KCNK2: variants seen among roughly 807,000 people sequenced by gnomAD.
KCNK2 encodes potassium two pore domain channel subfamily K member 2.
KCNK2 carries 21 observed loss-of-function variants against 40.5 expected under a neutral mutation model. The observed-to-expected ratio is 0.52, with a 90% confidence interval of 0.37 to 0.75. KCNK2 has a LOEUF of 0.75. Ranked by LOEUF, KCNK2 falls within the 30% of genes least tolerant of loss-of-function variation. KCNK2 has a pLI of 0.00. For missense variants in KCNK2, 399 were observed against 531.6 expected (o/e 0.75, Z 2.45); for synonymous variants, 191 against 202.2 (o/e 0.94, Z 0.47).
chr1:215,134,579 G>A (rs2102593332), intron 3 of KCNK2, among the ~76,000 whole-genome samples: 1 of 152,260 alleles, frequency 6.6e-6, no homozygotes, highest in East Asian at 1.9e-4. Flanking sequence ...AAGTGTGGTT[G>A]ATTATCAGTC....
At chr1:215,110,474 T>A (rs1410507578) in intron 2 of KCNK2, among the ~76,000 whole-genome samples, 9 of 151,866 alleles carry the variant, frequency 5.9e-5, no homozygotes, top group African/African-American at 1.9e-4. Context: ...AAGACTATCC[T>A]TTCCTCATTA....
intron 6 of KCNK2, among the ~76,000 whole-genome samples, chr1:215,210,012 ATATATAATATATAT>A (rs1400446775): frequency 0.065 from 3,209 of 49,622 alleles, 245 homozygotes; most frequent in African/African-American, 0.22. Context: ...ATTATATATA[ATATATAATATATAT>A]TATATATAAT....
chr1:215,107,782 G>T (rs1660499450), intron 2 of KCNK2, among the ~76,000 whole-genome samples: 2 of 151,928 alleles, frequency 1.3e-5, no homozygotes. Context: ...GTATCCGTGG[G>T]TTCGGCATCC....
At chr1:215,110,370 C>T (rs1660627792) in intron 2 of KCNK2, among the ~76,000 whole-genome samples, 2 of 151,840 alleles carry the variant, frequency 1.3e-5, no homozygotes, top group Admixed American at 1.3e-4. Flanking sequence ...TCTTTAACCC[C>T]TCTTGAGTTG....
At chr1:215,177,965 G>A (rs11120517) in intron 5 of KCNK2, among the ~76,000 whole-genome samples, 84,187 of 151,278 alleles carry the variant, frequency 0.56, 25,701 homozygotes, top group Non-Finnish European at 0.68. Flanking sequence ...GATTGCTTTG[G>A]ACAGTATGGT....
At chr1:215,032,329 G>C (rs1384728269) in intron 1 of KCNK2, among the ~76,000 whole-genome samples, 1 of 152,000 alleles carries the variant, frequency 6.6e-6, no homozygotes, top group Non-Finnish European at 1.5e-5. Context: ...GAATCGCTGG[G>C]CTCAGTAGTT....
At chr1:215,188,215 G>T (rs902286073) in intron 5 of KCNK2, among the ~76,000 whole-genome samples, 5 of 152,142 alleles carry the variant, frequency 3.3e-5, no homozygotes, top group Non-Finnish European at 1.5e-5. Context: ...TACCAGGTCA[G>T]TCAGGCTTCC....
chr1:215,023,821 G>C (rs1412787102), intron 1 of KCNK2, among the ~76,000 whole-genome samples: 1 of 152,180 alleles, frequency 6.6e-6, no homozygotes, highest in Admixed American at 6.5e-5. Context: ...TTTAGATGCA[G>C]CTTTTATCTG....
intron 1 of KCNK2, among the ~76,000 whole-genome samples, chr1:215,050,422 G>A (rs1450102696): frequency 6.6e-6 from 1 of 152,128 alleles, no homozygotes; most frequent in African/African-American, 2.4e-5. Flanking sequence ...TCTGCTGGGA[G>A]ACTTCTCTGT....
At chr1:215,118,288 A>G (rs953044695) in intron 2 of KCNK2, among the ~76,000 whole-genome samples, 2 of 152,160 alleles carry the variant, frequency 1.3e-5, no homozygotes, top group African/African-American at 4.8e-5. Flanking sequence ...ATACTCACAC[A>G]TGACTGTGTA....
intron 1 of KCNK2, among the ~76,000 whole-genome samples, chr1:215,059,439 T>G (rs1558072834): frequency 6.6e-6 from 1 of 152,136 alleles, no homozygotes; most frequent in South Asian, 2.1e-4. Flanking sequence ...TTTGGTAAGT[T>G]AGTAATGAGT....
intron 1 of KCNK2, among the ~76,000 whole-genome samples, chr1:215,051,224 C>T (rs1657973882): frequency 6.6e-6 from 1 of 152,072 alleles, no homozygotes; most frequent in African/African-American, 2.4e-5. Flanking sequence ...TACAGATGTG[C>T]ACCACCATGC....
At chr1:215,024,304 C>A (rs1656922031) in intron 1 of KCNK2, among the ~76,000 whole-genome samples, 3 of 152,146 alleles carry the variant, frequency 2.0e-5, no homozygotes, top group African/African-American at 7.2e-5. Flanking sequence ...TGGAGCCAAG[C>A]CTAGGACCCT....
Position 215,068,049 on chromosome 1 carries a change from CT to C in KCNK2, c.35-18305del, listed in dbSNP as rs397782084. 9.6e-3 allele frequency among the ~76,000 whole-genome samples: 1,319 copies of C among 137,880 alleles called. 6 individuals carry two copies. Among genetic ancestry groups the C allele is most frequent in the Non-Finnish European group, 0.012 (765 of 62,946 alleles). 90.5% of individuals were successfully genotyped at this position (137,880 alleles called of 152,430 possible). Reference sequence around the variant, plus strand: ...GTCTGTTGTCTTTATGTTTCTTTTTCTTTTTTTTTTTTTTAATTTCTTGGAA... The same window carrying C: ...GTCTGTTGTCTTTATGTTTCTTTTTCTTTTTTTTTTTTTAATTTCTTGGAA... On this transcript the variant is annotated intron_variant, in intron 1 of 6. Coordinates refer to the KCNK2 transcript ENST00000391895.
chr1:215,204,378 T>C (rs1446372504), intron 6 of KCNK2, among the ~76,000 whole-genome samples: 1 of 151,920 alleles, frequency 6.6e-6, no homozygotes, highest in Admixed American at 6.6e-5. Context: ...TTCAGAATAA[T>C]TTTTTTTCTA....
intron 5 of KCNK2, among the ~76,000 whole-genome samples, chr1:215,183,373 C>T (rs1339404): frequency 0.056 from 8,510 of 152,186 alleles, 262 homozygotes; most frequent in Middle Eastern, 0.14. Context: ...ACTTAATTTT[C>T]AAACTTAGGA....
At chr1:215,130,769 T>TA (rs1382772441) in intron 3 of KCNK2, among the ~76,000 whole-genome samples, 5 of 152,198 alleles carry the variant, frequency 3.3e-5, no homozygotes, top group African/African-American at 1.2e-4. Flanking sequence ...TATGTGGTCT[T>TA]AAAAAAAGTT....
rs1435179860 is a variant in KCNK2 at position 215,236,415 on chromosome 1, C to G, written c.*1270C>G. On this transcript the variant is annotated 3_prime_UTR_variant, in exon 7 of 7. Transcript: ENST00000444842. The stretch of plus-strand genomic sequence containing the variant: ...TGAGGGCAGAAGTTGAAGTTGGGAT[C>G]ACTGTGACTTTGCACATGGAAAAAT... The G allele has an allele frequency of 2.0e-5, 3 of 152,492 alleles. No homozygotes were observed. The highest frequency in any genetic ancestry group is 1.3e-4 in the Admixed American group (2 of 15,248). 9.4% of individuals were successfully genotyped at this position (152,492 alleles called of 1,614,324 possible).
chr1:215,171,586 G>C (rs1244249924), intron 4 of KCNK2, among the ~76,000 whole-genome samples: 1 of 151,992 alleles, frequency 6.6e-6, no homozygotes, highest in Non-Finnish European at 1.5e-5. Flanking sequence ...ATTGTATTTG[G>C]CCTGAAATCA....
Sources: gnomAD v4.1 joint callset for allele counts (sites outside exome capture counted in the v4.1 genomes callset) on GRCh38, gnomAD v4.1.1 for gene constraint, MANE v1.5 for transcripts, NCBI Gene and HGNC (gene_info 2026-07-23, HGNC 2026-07-21) for gene names.